The following CCDC88A variants were observed in gnomAD, a reference collection of about 807,000 sequenced individuals.
CCDC88A encodes girdin.
Under a neutral mutation model 234.3 loss-of-function variants are expected in CCDC88A, and 54 were observed. That is an observed-to-expected ratio of 0.23 (90% CI 0.19 to 0.29). The LOEUF is 0.29. Ranked by LOEUF, CCDC88A falls within the 10% of genes least tolerant of loss-of-function variation. The probability of loss-of-function intolerance (pLI) is 1.00; values close to 1 mark genes in which losing one functional copy is unlikely to be tolerated. For missense variants in CCDC88A, 1,832 were observed against 2,123.4 expected, an observed-to-expected ratio of 0.86 and a Z score of 2.70; for synonymous variants, 753 against 737.8, an observed-to-expected ratio of 1.02 and a Z score of -0.33.
rs964357934 is a variant in CCDC88A at position 55,287,967 on chromosome 2, A to T, written c.*3233T>A. ...TGTTTTTTAAAAAACAAACAGTGGTATCTCTTGTCATGAGTTGGATGCCTG... is the reference window on the plus strand; with the variant it reads ...TGTTTTTTAAAAAACAAACAGTGGTTTCTCTTGTCATGAGTTGGATGCCTG... On this transcript the variant is annotated 3_prime_UTR_variant, in exon 33 of 33. Coordinates refer to ENST00000436346, the MANE Select transcript of CCDC88A (RefSeq NM_001365480.1). 1 of 152,658 alleles carries T rather than the reference A, an allele frequency of 6.6e-6. No homozygotes were observed. Among genetic ancestry groups the T allele is most frequent in the Non-Finnish European group, 1.5e-5 (1 of 68,040 alleles). The allele number at this position is 152,658 out of a possible 1,614,324, so 9.5% of individuals were successfully genotyped here. A position where few individuals can be genotyped will look rare whatever the true frequency, so the allele number is the denominator to read the frequency against.
At position 55,403,452 on chromosome 2, in the gene CCDC88A, T is replaced by G. The variant is rs150830129; in HGVS notation, c.165-14566A>C. 5 of 152,366 alleles carry G rather than the reference T, an allele frequency of 3.3e-5. No individual in the cohort carries two copies. The East Asian group carries it at 9.6e-4, about 29-fold the overall frequency. 9.4% of individuals were successfully genotyped at this position (152,366 alleles called of 1,614,324 possible). A position where few individuals can be genotyped will look rare whatever the true frequency, so the allele number is the denominator to read the frequency against. On this transcript the variant is annotated intron_variant, in intron 2 of 32. Transcript: ENST00000436346. The stretch of plus-strand genomic sequence containing the variant: ...CATTTTTAAGTGAAACTGGGTTTAT[T>G]TATTATACCTTACAAGTGTGTAACG...
intron 22 of CCDC88A, chr2:55,314,988 T>C (rs568371099): frequency 6.6e-6 from 1 of 152,354 alleles, no homozygotes; most frequent in South Asian, 2.1e-4. Flanking sequence ...CAGGGATGCA[T>C]AGATAGCTAG....
At chr2:55,372,708 C>G (rs1363883945) in intron 4 of CCDC88A, among the ~76,000 whole-genome samples, 198 bp from the exon 5 acceptor site, 1 of 152,140 alleles carries the variant, frequency 6.6e-6, no homozygotes, top group Non-Finnish European at 1.5e-5. Flanking sequence ...GGAAGAATAT[C>G]AATTTTGAAG....
At chr2:55,345,933 T>C in intron 10 of CCDC88A, 1 of 325,112 alleles carries the variant, frequency 3.1e-6, no homozygotes, top group Non-Finnish European at 5.5e-6. Context: ...CTATATATGA[T>C]GCTAAGAAAA....
Position 55,326,109 on chromosome 2 carries a change from A to C in CCDC88A, c.2997+2185T>G, listed in dbSNP as rs146140798. The stretch of plus-strand genomic sequence containing the variant: ...ATAGTTATTGCCATACTTTGGTTTA[A>C]AACTGCCATCTTACTATTTGTTTTC... On this transcript the variant is annotated intron_variant, in intron 17 of 32. Coordinates refer to ENST00000436346, the MANE Select transcript of CCDC88A (RefSeq NM_001365480.1). Among the ~76,000 whole-genome samples, 10 of 151,972 alleles carry C rather than the reference A, an allele frequency of 6.6e-5. No homozygotes were observed. In the East Asian group the frequency reaches 1.9e-3, roughly 29 times the overall value.
At chr2:55,367,525 C>CTTTTTTTTTTTTTTTTTTTT (rs1262914627) in intron 5 of CCDC88A, among the ~76,000 whole-genome samples, 7 of 33,614 alleles carry the variant, frequency 2.1e-4, no homozygotes, top group African/African-American at 1.2e-3. Context: ...GTTTTATTTC[C>CTTTTTTTTTTTTTTTTTTTT]TTGTTTTTTT....
Position 55,326,783 on chromosome 2 carries a change from C to T in CCDC88A, c.2997+1511G>A, listed in dbSNP as rs184638714. The stretch of plus-strand genomic sequence containing the variant: ...ACAGGGTTTCACCATGTCAGCAAGG[C>T]TGGTCTTGAACTCCCAACCTAAAAA... On this transcript the variant is annotated intron_variant, in intron 17 of 32. Transcript: ENST00000436346. Among the ~76,000 whole-genome samples the T allele has an allele frequency of 9.9e-5, 15 of 152,252 alleles. No homozygotes were observed. The East Asian group carries it at 2.7e-3, about 28-fold the overall frequency.
chr2:55,415,967 TA>T (rs1181088822), intron 2 of CCDC88A, among the ~76,000 whole-genome samples: 1 of 151,378 alleles, frequency 6.6e-6, no homozygotes, highest in Non-Finnish European at 1.5e-5. Flanking sequence ...CCAAACAAGC[TA>T]AAATTTCAAA....
chr2:55,354,814 G>T (rs973534367), intron 8 of CCDC88A, among the ~76,000 whole-genome samples: 8 of 151,824 alleles, frequency 5.3e-5, no homozygotes, highest in African/African-American at 1.9e-4. Flanking sequence ...CAATCCGCCC[G>T]CCTCAGCCTC....
Position 55,317,874 on chromosome 2 carries a change from A to G in CCDC88A, c.3325-33T>C. 1 of 1,406,614 alleles carries G rather than the reference A, an allele frequency of 7.1e-7. No individual in the cohort carries two copies. 87.1% of individuals were successfully genotyped at this position (1,406,614 alleles called of 1,614,324 possible). ...AATATATATTGTTATCAGACATAAG[A>G]AAAACAGTTCATGTTCTTTTTCAAA... On this transcript the variant is annotated intron_variant, in intron 19 of 32. Transcript: ENST00000436346. The surrounding 1 kb of genome is among the most constrained non-coding windows in gnomAD (Gnocchi z 4.2).
At chr2:55,319,591 A>G (rs3791633) in intron 18 of CCDC88A, among the ~76,000 whole-genome samples, 89,545 of 151,888 alleles carry the variant, frequency 0.59, 27,111 homozygotes, top group Admixed American at 0.66. Context: ...TTTTTCCCAC[A>G]ATATAAAATA....
At chr2:55,408,420 G>A (rs559769225) in intron 2 of CCDC88A, among the ~76,000 whole-genome samples, 1 of 152,200 alleles carries the variant, frequency 6.6e-6, no homozygotes, top group African/African-American at 2.4e-5. Flanking sequence ...GTCACAGGTT[G>A]AGATAAGAGG....
chr2:55,309,522 T>C lies in CCDC88A; in HGVS notation c.4080-268A>G, dbSNP rs1275090086. The stretch of plus-strand genomic sequence containing the variant: ...GCAAAAAATTAAAACATTGTTTAGT[T>C]TGCTTACAATTATAGATATAATAAA... On this transcript the variant is annotated intron_variant, in intron 23 of 32. Transcript: ENST00000436346. This position sits in a 1 kb window ranked among gnomAD's most constrained non-coding sequence, Gnocchi z 5.1. Among the ~76,000 whole-genome samples the C allele has an allele frequency of 6.6e-6, 1 of 152,216 alleles. No individual in the cohort carries two copies. Among genetic ancestry groups the C allele is most frequent in the Non-Finnish European group, 1.5e-5 (1 of 68,028 alleles).
intron 3 of CCDC88A, among the ~76,000 whole-genome samples, chr2:55,380,362 T>C (rs1378385451): frequency 6.6e-6 from 1 of 152,192 alleles, no homozygotes; most frequent in African/African-American, 2.4e-5. Context: ...TTGAATGTTT[T>C]CAGGGCCATT....
intron 13 of CCDC88A, among the ~76,000 whole-genome samples, chr2:55,337,913 C>T (rs952980840): frequency 3.9e-5 from 6 of 152,030 alleles, no homozygotes; most frequent in Non-Finnish European, 8.8e-5. Flanking sequence ...AAAACTTATC[C>T]AATAACTCAA....
intron 3 of CCDC88A, among the ~76,000 whole-genome samples, chr2:55,378,305 A>G (rs1674035077): frequency 6.6e-6 from 1 of 152,246 alleles, no homozygotes; most frequent in African/African-American, 2.4e-5. Flanking sequence ...TTTTGTTAAT[A>G]CAATTTCATC....
At chr2:55,368,765 GA>G (rs1377050837) in intron 5 of CCDC88A, among the ~76,000 whole-genome samples, 3 of 152,124 alleles carry the variant, frequency 2.0e-5, no homozygotes, top group Non-Finnish European at 4.4e-5. Flanking sequence ...CTAGATGTGG[GA>G]AAACATGCTA....
intron 7 of CCDC88A, among the ~76,000 whole-genome samples, chr2:55,358,517 T>A (rs1340404268): frequency 6.6e-6 from 1 of 152,148 alleles, no homozygotes; most frequent in Non-Finnish European, 1.5e-5. Context: ...CTGATTTCCT[T>A]TCAAATTTCC....
At chr2:55,300,097 A>C in intron 28 of CCDC88A, 178 bp from the exon 29 acceptor site, 1 of 550,324 alleles carries the variant, frequency 1.8e-6, no homozygotes, top group East Asian at 3.0e-5. Context: ...TTAGAATAGG[A>C]CACTTCTGAA....
Sources: allele counts gnomAD v4.1 joint callset (sites outside exome capture counted in the v4.1 genomes callset), GRCh38; gene constraint gnomAD v4.1.1; non-coding constraint Gnocchi (gnomAD v3.1); transcripts MANE v1.5; gene names NCBI Gene and HGNC (gene_info 2026-07-23, HGNC 2026-07-21).